Variants in XIST observed in about 807,000 individuals in gnomAD.
XIST encodes the protein X inactive specific transcript (non-protein coding).
exon 1 of XIST, chrX:73,851,523 G>A (rs764422168): frequency 1.8e-6 from 1 of 559,051 alleles, no homozygotes; most frequent in Non-Finnish European, 3.2e-6. Flanking sequence ...AGCACAGCCC[G>A]CCATGCTGAG....
exon 6 of XIST, chrX:73,822,700 T>TC: frequency 1.9e-6 from 1 of 540,319 alleles, no homozygotes; most frequent in Non-Finnish European, 3.3e-6. Flanking sequence ...TTTTGTTGCA[T>TC]CTCCAAGTCA....
exon 6 of XIST, chrX:73,825,634 A>G: frequency 1.9e-6 from 1 of 513,652 alleles, no homozygotes; most frequent in Non-Finnish European, 3.5e-6. Flanking sequence ...TTTTGACCTT[A>G]TAAAAACGTT....
At chrX:73,849,058 T>C in exon 1 of XIST, 1 of 559,332 alleles carries the variant, frequency 1.8e-6, no homozygotes. Context: ...AACAGAACTA[T>C]GGATAATTGG....
exon 6 of XIST, chrX:73,826,164 G>T: frequency 1.8e-6 from 1 of 559,224 alleles, no homozygotes; most frequent in Non-Finnish European, 3.2e-6. Context: ...TCAGAAGTCT[G>T]GCACATCTGT....
intron 2 of XIST, chrX:73,837,329 G>A (rs1922502656): frequency 5.1e-6 from 2 of 392,561 alleles, no homozygotes; most frequent in Non-Finnish European, 8.8e-6. Flanking sequence ...CTAGTCATGA[G>A]AAGAACATCA....
At chrX:73,833,827 T>A in intron 2 of XIST, 1 of 117,505 alleles carries the variant, frequency 8.5e-6, no homozygotes, top group Non-Finnish European at 1.8e-5. Context: ...TTGAAAGCAC[T>A]TTGCATGGTA....
chrX:73,844,316 A>G, exon 1 of XIST: 1 of 558,884 alleles, frequency 1.8e-6, no homozygotes, highest in African/African-American at 2.2e-5. Flanking sequence ...AAAACCATGT[A>G]CTTTGGACAA....
At chrX:73,834,572 T>G (rs1922445422) in intron 2 of XIST, among the ~76,000 whole-genome samples, 1 of 112,316 alleles carries the variant, frequency 8.9e-6, no homozygotes, top group Non-Finnish European at 1.9e-5. Context: ...TGAGAATCCG[T>G]CATCTTGCAG....
intron 3 of XIST, chrX:73,833,127 G>C: frequency 2.2e-6 from 1 of 461,516 alleles, no homozygotes; most frequent in African/African-American, 2.4e-5. Flanking sequence ...CAAAGCCCTG[G>C]AATTACAAGC....
At chrX:73,843,859 C>A in exon 1 of XIST, 1 of 558,322 alleles carries the variant, frequency 1.8e-6, no homozygotes, top group South Asian at 2.2e-5. Flanking sequence ...GATCAGGACA[C>A]CCTGTTGTAC....
rs923980153 is a variant in XIST at position 73,829,705 on chromosome X, G to A, written n.11753-474C>T. Among the ~76,000 whole-genome samples, 9 of 104,734 alleles carry A rather than the reference G, an allele frequency of 8.6e-5. No individual in the cohort carries two copies. In the East Asian group the frequency reaches 1.8e-3, roughly 21 times the overall value. 90.9% of individuals were successfully genotyped at this position (104,734 alleles called of 115,157 possible). On this transcript the variant is annotated intron_variant and non_coding_transcript_variant, in intron 4 of 5. Coordinates refer to ENST00000429829, the Ensembl canonical transcript of XIST. Reference sequence around the variant, plus strand: ...CTTGGGAGGCTGAGGCAGGAGAATCGCTTGAACCCGGGAGGCAGAGGTTGC... The same window carrying A: ...CTTGGGAGGCTGAGGCAGGAGAATCACTTGAACCCGGGAGGCAGAGGTTGC...
chrX:73,827,371 T>G (rs1300218020), exon 6 of XIST: 1 of 557,905 alleles, frequency 1.8e-6, no homozygotes, highest in Non-Finnish European at 3.2e-6. Context: ...GGGAGATAGA[T>G]TCATGAAGAG....
In XIST at chrX:73,850,460, T is replaced by C. The variant is rs756855150; in HGVS notation, n.2264A>G. 5.5e-6 allele frequency: 3 copies of C among 541,682 alleles called. No homozygotes were observed. In the African/African-American group the frequency reaches 7.0e-5, roughly 13 times the overall value. 44.6% of individuals were successfully genotyped at this position (541,682 alleles called of 1,213,427 possible). ...ACTAGCAAACCACAAAATCAGACTGTATGACTGACATCCAAAAGATAAATA... is the reference window on the plus strand; with the variant it reads ...ACTAGCAAACCACAAAATCAGACTGCATGACTGACATCCAAAAGATAAATA... On this transcript the variant is annotated non_coding_transcript_exon_variant, in exon 1 of 6. Transcript: ENST00000429829.
chrX:73,851,421 C>A, exon 1 of XIST: 2 of 559,162 alleles, frequency 3.6e-6, no homozygotes, highest in South Asian at 4.4e-5. Context: ...CCATGCTAAC[C>A]ACTTAACAAA....
intron 1 of XIST, chrX:73,841,236 T>TTC (rs1171191127): frequency 1.4e-5 from 5 of 369,705 alleles, no homozygotes; most frequent in African/African-American, 7.7e-5. Flanking sequence ...ATGTATCTAT[T>TTC]TCTCTCTCTA....
At chrX:73,826,011 A>T (rs1231434237) in exon 6 of XIST, 1 of 559,064 alleles carries the variant, frequency 1.8e-6, no homozygotes, top group Admixed American at 2.2e-5. Flanking sequence ...CACTACTATG[A>T]GCAGGGAGTT....
At position 73,842,057 on chromosome X, in the gene XIST, A is replaced by G. The variant is rs764002323; in HGVS notation, n.10667T>C. On this transcript the variant is annotated non_coding_transcript_exon_variant, in exon 1 of 6. Transcript: ENST00000429829. Reference sequence around the variant, plus strand: ...TTCTATCCACAGACCCACCACCCTCAGTTAAAATGAGAGACACTGGTCACC... The same window carrying G: ...TTCTATCCACAGACCCACCACCCTCGGTTAAAATGAGAGACACTGGTCACC... 7.3e-6 allele frequency: 4 copies of G among 550,354 alleles called. No homozygotes were observed. The Admixed American group carries it at 9.0e-5, about 12-fold the overall frequency. The allele number at this position is 550,354 out of a possible 1,213,427, so 45.4% of individuals were successfully genotyped here.
At chrX:73,846,302 G>C in exon 1 of XIST, 1 of 557,788 alleles carries the variant, frequency 1.8e-6, no homozygotes, top group Non-Finnish European at 3.2e-6. Context: ...TAAGGTGCAT[G>C]GTTGTGTTCA....
At position 73,826,239 on chromosome X, in the gene XIST, T is replaced by C. The variant is rs752887440; in HGVS notation, n.13662A>G. 41 of 557,673 alleles carry C rather than the reference T, an allele frequency of 7.4e-5. No individual in the cohort carries two copies. In the Admixed American group the frequency reaches 8.2e-4, roughly 11 times the overall value. 46.0% of individuals were successfully genotyped at this position (557,673 alleles called of 1,213,427 possible). ...TCTTCACATTTTTCTCTAGAGAGCC[T>C]GGCACTTTTTTTTCCCCAACAACCT... On this transcript the variant is annotated non_coding_transcript_exon_variant, in exon 6 of 6. Transcript: ENST00000429829.
Sources: allele counts gnomAD v4.1 joint callset (sites outside exome capture counted in the v4.1 genomes callset), GRCh38; gene constraint gnomAD v4.1.1; transcripts MANE v1.5; gene names NCBI Gene and HGNC (gene_info 2026-07-23, HGNC 2026-07-21).